The following TMEM270 variants were observed in gnomAD, a reference collection of about 807,000 sequenced individuals.
The protein encoded by TMEM270 is transmembrane protein 270.
A neutral mutation model predicts 29.9 loss-of-function variants in TMEM270; 30 were observed. That is an observed-to-expected ratio of 1.00 (90% CI 0.75 to 1.36). The LOEUF is 1.36. Ranked by LOEUF, TMEM270 falls within the 40% of genes most tolerant of loss-of-function variation. The probability of loss-of-function intolerance (pLI) is 0.00; values close to 1 mark genes in which losing one functional copy is unlikely to be tolerated. For synonymous variants in TMEM270, 135 were observed against 139.8 expected (o/e 0.97, Z 0.24); for missense variants, 313 against 307.1 (o/e 1.02, Z -0.14).
chr7:73,863,564 AT>A (rs1554639583), intron 1 of TMEM270, among the ~76,000 whole-genome samples: 1 of 151,756 alleles, frequency 6.6e-6, no homozygotes. Flanking sequence ...TAATTTTTGT[AT>A]TTTTAGTAGA....
rs782667717 is a variant in TMEM270, at chr7:73,861,261, G to C, written c.67G>C (p.Val23Leu). 6.2e-7 allele frequency: 1 copy of C among 1,611,250 alleles called. No individual in the cohort carries two copies. The highest frequency in any genetic ancestry group is 8.5e-7 in the Non-Finnish European group (1 of 1,178,010). ...GILLQVTRLS[V>L]LLVQNRDHLY... ...CCTGTTGCAGGTTACGAGGCTCTCA[G>C]TGCTGGTGAGTGGGGGCTGGGGGTA... Residue 23 changes from valine to leucine, a missense_variant, in exon 1 of 3, where the codon GTG (valine) becomes CTG (leucine). Transcript: ENST00000320531.
chr7:73,864,842 G>T, intron 1 of TMEM270, 151 bp from the exon 2 acceptor site: 3 of 640,190 alleles, frequency 4.7e-6, no homozygotes, highest in Non-Finnish European at 7.3e-6. Flanking sequence ...AGTGGAGGTT[G>T]CAGTGAGCCG....
At position 73,861,254 on chromosome 7, in the gene TMEM270, G is replaced by C. The variant is rs1465679067; in HGVS notation, c.60G>C (p.Arg20Ser). The change falls in exon 1 of 3, where the codon AGG becomes AGC. Residue 20 changes from arginine (R) to serine (S), a missense_variant. By Grantham distance (110) the Arg-to-Ser change is moderately radical (BLOSUM62 -1). Coordinates refer to ENST00000320531, the MANE Select transcript of TMEM270 (RefSeq NM_182504.4). The part of the protein sequence containing the change: ...SLLGILLQVT[R>S]LSVLLVQNRD... Reference sequence around the variant, plus strand: ...TGGGGATCCTGTTGCAGGTTACGAGGCTCTCAGTGCTGGTGAGTGGGGGCT... The same window carrying C: ...TGGGGATCCTGTTGCAGGTTACGAGCCTCTCAGTGCTGGTGAGTGGGGGCT... The C allele has an allele frequency of 6.2e-7, 1 of 1,612,090 alleles. No individual in the cohort carries two copies. Among genetic ancestry groups the C allele is most frequent in the African/African-American group, 1.3e-5 (1 of 74,862 alleles).
chr7:73,861,701 C>T (rs1417202566), intron 1 of TMEM270: 1 of 283,786 alleles, frequency 3.5e-6, no homozygotes, highest in Non-Finnish European at 7.1e-6. Context: ...CCTACCTCAG[C>T]TTCCTGAGGT....
Position 73,865,182 on chromosome 7 carries a change from G to C in TMEM270, c.262G>C (p.Val88Leu). 6.2e-7 allele frequency: 1 copy of C among 1,613,190 alleles called. No homozygotes were observed. The highest frequency in any genetic ancestry group is 8.5e-7 in the Non-Finnish European group (1 of 1,179,448). Reference protein sequence around the residue: ...WAGLALIQVPVWLVLQGPRLM... With the variant: ...WAGLALIQVPLWLVLQGPRLM... ...TGGGCTGGCTCTGATACAGGTCCCC[G>C]TATGGCTGGTGCTACAGGGACCCAG... is the stretch of plus-strand genomic sequence containing the variant. Residue 88 changes from valine (V) to leucine (L), a missense_variant, in exon 2 of 3, where the codon GTA becomes CTA. Physicochemically the swap from Val to Leu is conservative, Grantham distance 32 (BLOSUM62 1). Coordinates refer to ENST00000320531, the MANE Select transcript of TMEM270 (RefSeq NM_182504.4).
chr7:73,865,464 T>A (rs368699570), intron 2 of TMEM270, 43 bp downstream of exon 2: 229 of 1,586,390 alleles, frequency 1.4e-4, no homozygotes, highest in Admixed American at 3.9e-4. Flanking sequence ...AGGGCAAACC[T>A]GGGGTACTGG....
chr7:73,863,613 A>C (rs1291951197), intron 1 of TMEM270, among the ~76,000 whole-genome samples: 1 of 151,906 alleles, frequency 6.6e-6, no homozygotes, highest in Non-Finnish European at 1.5e-5. Context: ...TGGTCTCGAA[A>C]TCTTGACCTC....
Position 73,865,753 on chromosome 7 carries a change from C to T in TMEM270, c.678C>T (p.Ala226=), listed in dbSNP as rs201571768. The change falls in exon 3 of 3, where the codon GCC becomes GCT. Residue 226 remains alanine, a synonymous_variant. Transcript: ENST00000320531. ...CCTTTGAGCACACGACCCAGCTGGC[C>T]GAGGCCCAGGAGGTTGAACCCCAGG... The part of the protein sequence containing the change: ...QAAFEHTTQL[A]EAQEVEPQEV... 3.2e-5 allele frequency: 51 copies of T among 1,614,090 alleles called. No individual in the cohort carries two copies. The African/African-American group carries it at 4.1e-4, about 13-fold the overall frequency.
Position 73,865,010 on chromosome 7 carries a change from T to A in TMEM270, c.90T>A (p.Asp30Glu). 6.7e-7 allele frequency: 1 copy of A among 1,503,258 alleles called. No homozygotes were observed. The highest frequency in any genetic ancestry group is 1.4e-5 in the African/African-American group (1 of 71,374). The allele number at this position is 1,503,258 out of a possible 1,614,324, so 93.1% of individuals were successfully genotyped here. A position where few individuals can be genotyped will look rare whatever the true frequency, so the allele number is the denominator to read the frequency against. The change falls in exon 2 of 3, where the codon GAT becomes GAA. Residue 30 changes from aspartate to glutamate, a missense_variant. Physicochemically the swap from Asp to Glu is conservative, Grantham distance 45. Transcript: ENST00000320531. ...TTCTGCAGTTGGTTCAGAACCGAGA[T>A]CACCTCTATAATTTCCTGCTCCTCA... ...RLSVLLVQNR[D>E]HLYNFLLLKI...
chr7:73,865,513 C>T lies in TMEM270; in HGVS notation c.502-64C>T, dbSNP rs1788887984. On this transcript the variant is annotated intron_variant, in intron 2 of 2. Transcript: ENST00000320531. ...TGGCTGGGCTTGCAGGGGGGAGCCA[C>T]AGCCAAGCAGTGTAACCCTATGAGC... is the stretch of plus-strand genomic sequence containing the variant. 7 of 1,581,260 alleles carry T rather than the reference C, an allele frequency of 4.4e-6. No individual in the cohort carries two copies. In the Admixed American group the frequency reaches 6.9e-5, roughly 16 times the overall value.
intron 1 of TMEM270, among the ~76,000 whole-genome samples, chr7:73,861,924 A>C (rs1554639348): frequency 6.6e-6 from 1 of 150,420 alleles, no homozygotes; most frequent in East Asian, 1.9e-4. Context: ...TCAGCCTCCC[A>C]AGTAGCTGGG....
rs1554639941 is a variant in TMEM270 at position 73,865,884 on chromosome 7, A to G, written c.*11A>G. On this transcript the variant is annotated 3_prime_UTR_variant, in exon 3 of 3. Coordinates refer to ENST00000320531, the MANE Select transcript of TMEM270 (RefSeq NM_182504.4). ...ACTCCCAGAGAATAAATGTATCCCC[A>G]TCTGCCTCTCCTGGTCTGGCCTAGC... 2 of 1,604,766 alleles carry G rather than the reference A, an allele frequency of 1.2e-6. No homozygotes were observed. Among genetic ancestry groups the G allele is most frequent in the Non-Finnish European group, 1.7e-6 (2 of 1,177,598 alleles).
At chr7:73,864,114 C>CAAAAAAAAA in intron 1 of TMEM270, among the ~76,000 whole-genome samples, 1 of 81,014 alleles carries the variant, frequency 1.2e-5, no homozygotes, top group African/African-American at 5.0e-5. Flanking sequence ...CCCGCCTCTA[C>CAAAAAAAAA]AAAAAAAAAA....
chr7:73,863,115 C>T (rs1303382060), intron 1 of TMEM270, among the ~76,000 whole-genome samples: 8 of 152,138 alleles, frequency 5.3e-5, no homozygotes, highest in African/African-American at 1.9e-4. Context: ...TTGGTCTCAG[C>T]ATAGCTCCAC....
At chr7:73,864,821 C>T (rs543146104) in intron 1 of TMEM270, among the ~76,000 whole-genome samples, 172 bp from the exon 2 acceptor site, 26 of 149,344 alleles carry the variant, frequency 1.7e-4, no homozygotes, top group African/African-American at 4.9e-4. Flanking sequence ...GAGAATCGCC[C>T]GAAACCGGGA....
chr7:73,864,114 CAAAA>C (rs34181696), intron 1 of TMEM270, among the ~76,000 whole-genome samples: 60 of 81,008 alleles, frequency 7.4e-4, no homozygotes, highest in African/African-American at 2.8e-3. Flanking sequence ...CCCGCCTCTA[CAAAA>C]AAAAAAAAAA....
chr7:73,865,366 C>T lies in TMEM270; in HGVS notation c.446C>T (p.Thr149Ile). 1 of 1,613,630 alleles carries T rather than the reference C, an allele frequency of 6.2e-7. No homozygotes were observed. The highest frequency in any genetic ancestry group is 1.7e-4 in the Middle Eastern group (1 of 6,060). ...MLVALLLVVVTWRVCQKSHCF... is the reference protein window; with the variant it reads ...MLVALLLVVVIWRVCQKSHCF... ...GTGGCCTTGCTCTTGGTGGTAGTGA[C>T]CTGGAGGGTGTGTCAGAAGTCCCAC... is the stretch of plus-strand genomic sequence containing the variant. Residue 149 changes from threonine to isoleucine, a missense_variant, in exon 2 of 3, where the codon ACC becomes ATC. Physicochemically the swap from Thr to Ile is moderately conservative, Grantham distance 89. Coordinates refer to ENST00000320531, the MANE Select transcript of TMEM270 (RefSeq NM_182504.4).
upstream of TMEM270, chr7:73,861,014 T>C (rs879981193): frequency 2.8e-5 from 18 of 632,138 alleles, no homozygotes; most frequent in South Asian, 2.9e-4. Context: ...AAGACCTCCT[T>C]GGCCGTGTTG....
upstream of TMEM270, chr7:73,861,050 G>A (rs142400843): frequency 3.0e-5 from 23 of 758,420 alleles, no homozygotes; most frequent in African/African-American, 3.2e-4. Context: ...TGAGGTTTCA[G>A]AGGAAGCAGT....
Sources: gnomAD v4.1 joint callset for allele counts (sites outside exome capture counted in the v4.1 genomes callset) on GRCh38, gnomAD v4.1.1 for gene constraint, MANE v1.5 for transcripts, NCBI Gene and HGNC (gene_info 2026-07-23, HGNC 2026-07-21) for gene names.